The following TMC5 variants were observed in gnomAD, a reference collection of about 807,000 sequenced individuals.
The protein encoded by TMC5 is transmembrane channel-like protein 5.
A neutral mutation model predicts 110.5 loss-of-function variants in TMC5; 86 were observed. That is an observed-to-expected ratio of 0.78 (90% CI 0.65 to 0.93). TMC5 has a LOEUF of 0.93. TMC5 is among the 40% of genes least tolerant of loss of function. The pLI is 0.00. For missense variants in TMC5, 1,144 were observed against 1,222.8 expected (o/e 0.94, Z 0.96); for synonymous variants, 455 against 439.5 (o/e 1.04, Z -0.44).
intron 5 of TMC5, among the ~76,000 whole-genome samples, chr16:19,453,805 AAGTAT>A (rs1214233883): frequency 6.6e-6 from 1 of 152,074 alleles, no homozygotes; most frequent in African/African-American, 2.4e-5. Context: ...TAGCCTGATA[AAGTAT>A]AGCTTTGATG....
chr16:19,449,464 C>T (rs1162379649), intron 4 of TMC5, 78 bp from the exon 5 acceptor site: 1 of 1,199,360 alleles, frequency 8.3e-7, no homozygotes, highest in Non-Finnish European at 1.2e-6. Flanking sequence ...CCACTATTAG[C>T]ACATCATAAC....
chr16:19,488,999 C>T (rs1319228711), intron 17 of TMC5, among the ~76,000 whole-genome samples: 3 of 152,038 alleles, frequency 2.0e-5, no homozygotes, highest in African/African-American at 7.3e-5. Flanking sequence ...TGCTCCACAA[C>T]ACCCTTGCTC....
intron 1 of TMC5, among the ~76,000 whole-genome samples, chr16:19,419,704 G>C (rs1459881900): frequency 6.6e-6 from 1 of 151,780 alleles, no homozygotes; most frequent in East Asian, 2.0e-4. Flanking sequence ...GAGCCACCGC[G>C]CCGGGCCACT....
upstream of TMC5, among the ~76,000 whole-genome samples, chr16:19,417,446 C>T (rs1966886792): frequency 6.8e-6 from 1 of 147,084 alleles, no homozygotes; most frequent in Non-Finnish European, 1.5e-5. Context: ...AAAAAGGAGC[C>T]AGTGCCCGGG....
rs111407557 is a variant in TMC5 at position 19,456,428 on chromosome 16, G to A, written c.1049-3807G>A. 1.6e-4 allele frequency: 174 copies of A among 1,101,484 alleles called. No homozygotes were observed. The Middle Eastern group carries it at 1.6e-3, about 10-fold the overall frequency. 68.2% of individuals were successfully genotyped at this position (1,101,484 alleles called of 1,614,324 possible). ...GTCTTAAATGAAAGATTCTGTTTTC[G>A]ATTTCTTGCCTAGCTACCAAGACAG... On this transcript the variant is annotated intron_variant, in intron 5 of 21. Transcript: ENST00000542583.
chr16:19,418,967 G>A (rs957545893), intron 1 of TMC5, among the ~76,000 whole-genome samples: 1 of 152,234 alleles, frequency 6.6e-6, no homozygotes, highest in East Asian at 1.9e-4. Context: ...AAGCTCAAGC[G>A]ATCCTTCTGC....
intron 2 of TMC5, among the ~76,000 whole-genome samples, chr16:19,439,719 A>G (rs545865172): frequency 6.6e-6 from 1 of 152,294 alleles, no homozygotes; most frequent in African/African-American, 2.4e-5. Context: ...AAAGGGAGAA[A>G]TAACCTCTTT....
intron 1 of TMC5, among the ~76,000 whole-genome samples, chr16:19,412,879 CTG>C (rs1407343004): frequency 1.3e-5 from 2 of 152,202 alleles, no homozygotes; most frequent in Non-Finnish European, 2.9e-5. Flanking sequence ...GAGTCTTGCT[CTG>C]TTGCCCAAGT....
chr16:19,465,417 C>T lies in TMC5; in HGVS notation c.1486-665C>T, dbSNP rs1322169473. ...GATGTGGTGGCAGAAGCCTGTAATC[C>T]CCACTACTAGGCAAGCTGAGGCAGG... On this transcript the variant is annotated intron_variant, in intron 8 of 21. Transcript: ENST00000542583. Among the ~76,000 whole-genome samples the T allele has an allele frequency of 4.0e-5, 6 of 151,894 alleles. No homozygotes were observed. In the East Asian group the frequency reaches 1.2e-3, roughly 29 times the overall value.
intron 14 of TMC5, among the ~76,000 whole-genome samples, chr16:19,480,175 C>T (rs1968583386): frequency 6.6e-6 from 1 of 152,184 alleles, no homozygotes; most frequent in Non-Finnish European, 1.5e-5. Context: ...TATGCCTTGA[C>T]ATCTTTCCAT....
At chr16:19,467,410 G>A (rs1968217553) in intron 9 of TMC5, among the ~76,000 whole-genome samples, 2 of 152,010 alleles carry the variant, frequency 1.3e-5, no homozygotes, top group South Asian at 4.1e-4. Context: ...TTTTTATAAA[G>A]ATGCCATTTG....
intron 11 of TMC5, 40 bp downstream of exon 11, chr16:19,472,283 A>G: frequency 6.2e-7 from 1 of 1,606,228 alleles, no homozygotes; most frequent in Non-Finnish European, 8.5e-7. Context: ...GAACCAGGTG[A>G]AGGGATGAGA....
intron 8 of TMC5, 79 bp from the exon 9 acceptor site, chr16:19,466,003 A>AG: frequency 6.8e-7 from 1 of 1,479,932 alleles, no homozygotes. Context: ...TATTCAGGAG[A>AG]GGTCAACTCT....
chr16:19,482,403 G>C (rs1323607272), intron 15 of TMC5, among the ~76,000 whole-genome samples: 1 of 152,124 alleles, frequency 6.6e-6, no homozygotes, highest in African/African-American at 2.4e-5. Context: ...TATAGTTATA[G>C]CAGCCTGATG....
At chr16:19,424,606 G>A (rs949577542) in intron 1 of TMC5, among the ~76,000 whole-genome samples, 10 of 152,118 alleles carry the variant, frequency 6.6e-5, no homozygotes, top group East Asian at 5.8e-4. Context: ...CCGAGATGGC[G>A]CCATTGCCCT....
At position 19,481,401 on chromosome 16, in the gene TMC5, G is replaced by T; in HGVS notation, c.2299G>T (p.Gly767Cys). 6.2e-7 allele frequency: 1 copy of T among 1,614,002 alleles called. No individual in the cohort carries two copies. The highest frequency in any genetic ancestry group is 8.5e-7 in the Non-Finnish European group (1 of 1,179,902). Residue 767 changes from glycine to cysteine, a missense_variant, in exon 15 of 22, where the codon GGC becomes TGC. Gly to Cys is a radical substitution (Grantham distance 159, BLOSUM62 -3). Coordinates refer to ENST00000542583, the MANE Select transcript of TMC5 (RefSeq NM_001261841.2). ...IIGMQLITSL[G>C]LQEFDIARNV... ...TGGGATGCAACTGATCACAAGTCTT[G>T]GCCTTCAGGAGTTTGACATTGCCAG...
chr16:19,425,367 C>T (rs1250944723), intron 1 of TMC5, among the ~76,000 whole-genome samples: 1 of 146,072 alleles, frequency 6.8e-6, no homozygotes, highest in African/African-American at 2.5e-5. Context: ...CTTGACTGCT[C>T]ACAGACAGGC....
At chr16:19,463,697 TTC>T in intron 7 of TMC5, 77 bp from the exon 8 acceptor site, 1 of 1,527,810 alleles carries the variant, frequency 6.5e-7, no homozygotes, top group Non-Finnish European at 8.9e-7. Context: ...TGGTGGCTGT[TTC>T]TGTTATTATG....
rs1967173810 is a variant in TMC5, at chr16:19,430,539, G to A, written c.-181G>A. On this transcript the variant is annotated 5_prime_UTR_variant, in exon 2 of 22. It removes an upstream start codon present in the reference 5' UTR. Transcript: ENST00000542583. The stretch of plus-strand genomic sequence containing the variant: ...TCAAAAGCCAGCCTGAAGGACCCAT[G>A]GACACGTGACTCCAGTGTTCTCAAC... 1 of 152,514 alleles carries A rather than the reference G, an allele frequency of 6.6e-6. No homozygotes were observed. Among genetic ancestry groups the A allele is most frequent in the Non-Finnish European group, 1.5e-5 (1 of 68,076 alleles). 9.4% of individuals were successfully genotyped at this position (152,514 alleles called of 1,614,324 possible).
Sources: allele counts gnomAD v4.1 joint callset (sites outside exome capture counted in the v4.1 genomes callset), GRCh38; gene constraint gnomAD v4.1.1; transcripts MANE v1.5; gene names NCBI Gene and HGNC (gene_info 2026-07-23, HGNC 2026-07-21).